Variants in SLC29A4 observed in about 807,000 individuals in gnomAD.
The protein encoded by SLC29A4 is equilibrative nucleoside transporter 4.
SLC29A4 carries 36 observed loss-of-function variants against 43.9 expected under a neutral mutation model. The observed-to-expected ratio is 0.82, with a 90% CI of 0.63 to 1.08. SLC29A4 has a LOEUF of 1.08. Ranked by LOEUF, SLC29A4 falls within the 50% of genes least tolerant of loss-of-function variation. SLC29A4 has a pLI of 0.00. For synonymous variants in SLC29A4, 491 were observed against 338.0 expected (o/e 1.45, Z -4.97); for missense variants, 869 against 755.3 (o/e 1.15, Z -1.77).
chr7:5,289,311 C>T (rs1043117444), intron 2 of SLC29A4, among the ~76,000 whole-genome samples: 1 of 152,130 alleles, frequency 6.6e-6, no homozygotes, highest in African/African-American at 2.4e-5. Flanking sequence ...ACAGGAGAAT[C>T]ACTTGAGCCC....
At position 5,303,515 on chromosome 7, in the gene SLC29A4, CG is replaced by C. The variant is rs1786318678; in HGVS notation, c.*578del. The C allele has an allele frequency of 6.4e-6, 1 of 155,382 alleles. No individual in the cohort carries two copies. The highest frequency in any genetic ancestry group is 2.4e-5 in the African/African-American group (1 of 41,482). The allele number at this position is 155,382 out of a possible 1,614,324, so 9.6% of individuals were successfully genotyped here. ...CATAACGCGTTAGCCATGAAGGAGT[CG>C]GAGCCCTGGGTCCGAATGGACCCGC... On this transcript the variant is annotated 3_prime_UTR_variant, in exon 11 of 11. Coordinates refer to ENST00000396872, the MANE Select transcript of SLC29A4 (RefSeq NM_153247.4).
intron 1 of SLC29A4, among the ~76,000 whole-genome samples, chr7:5,286,964 C>T (rs182343451): frequency 9.8e-5 from 15 of 152,360 alleles, no homozygotes; most frequent in East Asian, 3.9e-4. Flanking sequence ...GTCCTGGCAT[C>T]GTACCGCCAA....
intron 7 of SLC29A4, among the ~76,000 whole-genome samples, chr7:5,298,271 G>A (rs1293335204): frequency 6.6e-6 from 1 of 152,210 alleles, no homozygotes; most frequent in Non-Finnish European, 1.5e-5. Flanking sequence ...TCCCTCTCAT[G>A]GTCAGGGAAG....
chr7:5,298,526 T>A (rs763325309), intron 7 of SLC29A4, among the ~76,000 whole-genome samples: 2 of 152,060 alleles, frequency 1.3e-5, no homozygotes, highest in Non-Finnish European at 2.9e-5. Flanking sequence ...GCGCAGTGGC[T>A]CACACCTGCA....
Position 5,304,097 on chromosome 7 carries a change from GC to G in SLC29A4, c.*1159del, listed in dbSNP as rs1359274210. Reference sequence around the variant, plus strand: ...AAGCAGAGTTTGTGCGTGGACGGGGGCTGGGACTGCCATCTCGGGATACCGG... The same window carrying G: ...AAGCAGAGTTTGTGCGTGGACGGGGGTGGGACTGCCATCTCGGGATACCGG... On this transcript the variant is annotated 3_prime_UTR_variant, in exon 11 of 11. Transcript: ENST00000396872. 6.6e-6 allele frequency: 1 copy of G among 152,396 alleles called. No individual in the cohort carries two copies. The highest frequency in any genetic ancestry group is 1.5e-5 in the Non-Finnish European group (1 of 68,148). 9.4% of individuals were successfully genotyped at this position (152,396 alleles called of 1,614,324 possible). A position where few individuals can be genotyped will look rare whatever the true frequency, so the allele number is the denominator to read the frequency against.
In SLC29A4 at chr7:5,303,103, A is replaced by C. The variant is rs1414142536; in HGVS notation, c.*164A>C. The C allele has an allele frequency of 1.3e-6, 1 of 793,142 alleles. No homozygotes were observed. The highest frequency in any genetic ancestry group is 2.0e-6 in the Non-Finnish European group (1 of 510,370). The allele number at this position is 793,142 out of a possible 1,614,324, so 49.1% of individuals were successfully genotyped here. On this transcript the variant is annotated 3_prime_UTR_variant, in exon 11 of 11. Transcript: ENST00000396872. The stretch of plus-strand genomic sequence containing the variant: ...CCAGCCATGCCCCACCCTGGACTGA[A>C]GTTCTGCAAAGTCCTCCGAGGACCG...
In SLC29A4 at chr7:5,303,104, G is replaced by A; in HGVS notation, c.*165G>A. On this transcript the variant is annotated 3_prime_UTR_variant, in exon 11 of 11. Coordinates refer to ENST00000396872, the MANE Select transcript of SLC29A4 (RefSeq NM_153247.4). Reference sequence around the variant, plus strand: ...CAGCCATGCCCCACCCTGGACTGAAGTTCTGCAAAGTCCTCCGAGGACCGG... The same window carrying A: ...CAGCCATGCCCCACCCTGGACTGAAATTCTGCAAAGTCCTCCGAGGACCGG... 10 of 795,474 alleles carry A rather than the reference G, an allele frequency of 1.3e-5. No homozygotes were observed. The South Asian group carries it at 1.4e-4, about 11-fold the overall frequency. 49.3% of individuals were successfully genotyped at this position (795,474 alleles called of 1,614,324 possible). A position where few individuals can be genotyped will look rare whatever the true frequency, so the allele number is the denominator to read the frequency against.
At chr7:5,300,237 G>GA (rs1249409966) in intron 9 of SLC29A4, among the ~76,000 whole-genome samples, 185 bp from the exon 10 acceptor site, 2 of 152,032 alleles carry the variant, frequency 1.3e-5, no homozygotes, top group East Asian at 3.9e-4. Context: ...GACTCTAAGG[G>GA]AAAAAAATGT....
At chr7:5,297,275 G>C (rs1032302583) in intron 7 of SLC29A4, 77 bp downstream of exon 7, 2 of 1,416,954 alleles carry the variant, frequency 1.4e-6, no homozygotes, top group African/African-American at 2.9e-5. Flanking sequence ...GAAGTACCTG[G>C]GGCCCAGCCT....
At position 5,291,177 on chromosome 7, in the gene SLC29A4, G is replaced by C. The variant is rs538286344; in HGVS notation, c.355G>C (p.Ala119Pro). 3 of 1,613,864 alleles carry C rather than the reference G, an allele frequency of 1.9e-6. No individual in the cohort carries two copies. Among genetic ancestry groups the C allele is most frequent in the South Asian group, 1.1e-5 (1 of 91,066 alleles). Residue 119 changes from alanine to proline, a missense_variant, in exon 4 of 11, where the codon GCT becomes CCT. Ala to Pro is a conservative substitution (Grantham distance 27). Transcript: ENST00000396872. ...SLTYILVALA[A>P]VLLNNVLVER... Reference sequence around the variant, plus strand: ...CACCTACATCTTGGTGGCACTGGCAGCTGTCCTCCTGAACAACGTCCTGGT... The same window carrying C: ...CACCTACATCTTGGTGGCACTGGCACCTGTCCTCCTGAACAACGTCCTGGT...
At position 5,306,187 on chromosome 7, in the gene SLC29A4, A is replaced by ATTTGT. The variant is rs1333210739; in HGVS notation, c.*3251_*3252insGTTTT. On this transcript the variant is annotated 3_prime_UTR_variant, in exon 11 of 11. Transcript: ENST00000396872. ...ATTTTTTCTCATGTAAATTTGTTCA[A>ATTTGT]TTTCTTTTTTTTTTTTTTTTTTTTT... 8 of 117,582 alleles carry ATTTGT rather than the reference A, an allele frequency of 6.8e-5. No homozygotes were observed. The highest frequency in any genetic ancestry group is 5.2e-5 in the Non-Finnish European group (3 of 57,998). The allele number at this position is 117,582 out of a possible 1,614,324, so 7.3% of individuals were successfully genotyped here.
chr7:5,290,883 C>T lies in SLC29A4; in HGVS notation c.301+20C>T, dbSNP rs755975895. The T allele has an allele frequency of 1.3e-5, 20 of 1,594,290 alleles. No homozygotes were observed. The highest frequency in any genetic ancestry group is 2.1e-4 in the Middle Eastern group (1 of 4,702). On this transcript the variant is annotated intron_variant, in intron 3 of 10. Coordinates refer to ENST00000396872, the MANE Select transcript of SLC29A4 (RefSeq NM_153247.4). ...ACCCAGGTGGGTCCCTCCACGGTCA[C>T]GCCCAGCCACTCAGCATCCTCCATC...
chr7:5,286,605 G>C (rs1319693061), intron 1 of SLC29A4, among the ~76,000 whole-genome samples: 1 of 152,008 alleles, frequency 6.6e-6, no homozygotes, highest in African/African-American at 2.4e-5. Flanking sequence ...TGCCCACACA[G>C]TGCAAGCGTC....
rs575516343 is a variant in SLC29A4 at position 5,287,763 on chromosome 7, C to T, written c.-8-46C>T. 1.1e-5 allele frequency: 17 copies of T among 1,583,626 alleles called. No individual in the cohort carries two copies. In the South Asian group the frequency reaches 1.7e-4, roughly 16 times the overall value. On this transcript the variant is annotated intron_variant, in intron 1 of 10. Coordinates refer to ENST00000396872, the MANE Select transcript of SLC29A4 (RefSeq NM_153247.4). Reference sequence around the variant, plus strand: ...GGGTCAGTGCATGAGCCATGGATCCCTCAGCCTTCTTCCCTCACCTGCTCT... The same window carrying T: ...GGGTCAGTGCATGAGCCATGGATCCTTCAGCCTTCTTCCCTCACCTGCTCT...
chr7:5,291,046 C>T, intron 3 of SLC29A4, 78 bp from the exon 4 acceptor site: 1 of 1,565,762 alleles, frequency 6.4e-7, no homozygotes, highest in South Asian at 1.1e-5. Flanking sequence ...CGAGCCCCTT[C>T]TGGGAGGTCT....
At chr7:5,287,590 C>T (rs1218570095) in intron 1 of SLC29A4, among the ~76,000 whole-genome samples, 1 of 152,234 alleles carries the variant, frequency 6.6e-6, no homozygotes, top group Non-Finnish European at 1.5e-5. Context: ...TGCCTAAGGT[C>T]ACACAGCTGG....
Position 5,300,631 on chromosome 7 carries a change from C to G in SLC29A4, c.1419C>G (p.Gly473=). 6.2e-7 allele frequency: 1 copy of G among 1,609,774 alleles called. No homozygotes were observed. The highest frequency in any genetic ancestry group is 8.5e-7 in the Non-Finnish European group (1 of 1,178,674). The change falls in exon 10 of 11, where the codon GGC becomes GGG. Residue 473 remains glycine (G), a synonymous_variant. Transcript: ENST00000396872. ...GCGTGCCCATGATCCTGGCGGCAGGCAAAGTGAGCCCCAAGCAGCGGGAGC... is the reference window on the plus strand; with the variant it reads ...GCGTGCCCATGATCCTGGCGGCAGGGAAAGTGAGCCCCAAGCAGCGGGAGC... ...FGSVPMILAA[G]KVSPKQRELA...
At chr7:5,294,106 GAA>G (rs57652254) in intron 5 of SLC29A4, among the ~76,000 whole-genome samples, 1 of 145,634 alleles carries the variant, frequency 6.9e-6, no homozygotes, top group African/African-American at 2.5e-5. Context: ...GCTCTATCTG[GAA>G]AAAAAAAAAA....
intron 9 of SLC29A4, 94 bp downstream of exon 9, chr7:5,299,521 G>C: frequency 7.6e-7 from 1 of 1,317,340 alleles, no homozygotes; most frequent in Non-Finnish European, 1.0e-6. Context: ...CTGAGTGAAG[G>C]ATGCATGTGG....
Sources: gnomAD v4.1 joint callset for allele counts (sites outside exome capture counted in the v4.1 genomes callset) on GRCh38, gnomAD v4.1.1 for gene constraint, MANE v1.5 for transcripts, NCBI Gene and HGNC (gene_info 2026-07-23, HGNC 2026-07-21) for gene names.